Variants in MALRD1 observed in about 807,000 individuals in gnomAD.
MALRD1 encodes MAM and LDL receptor class A domain containing 1.
In MALRD1, 247 loss-of-function variants were observed where a neutral mutation model predicts 242.1. The ratio of observed to expected loss-of-function variants is 1.02; its 90% CI spans 0.92 to 1.13. The LOEUF is 1.13. MALRD1 is among the 50% of genes most tolerant of loss of function. The pLI is 0.00. For missense variants in MALRD1, 2,989 were observed against 2,533.1 expected, an observed-to-expected ratio of 1.18 and a Z score of -3.86; for synonymous variants, 995 against 866.6, an observed-to-expected ratio of 1.15 and a Z score of -2.60.
chr10:19,582,728 A>G (rs1837193237), intron 33 of MALRD1, among the ~76,000 whole-genome samples: 1 of 80,470 alleles, frequency 1.2e-5, no homozygotes, highest in African/African-American at 4.8e-5. Flanking sequence ...TTCCATATGA[A>G]CTTTAAAGTA....
At chr10:19,650,226 A>G (rs892923635) in intron 36 of MALRD1, among the ~76,000 whole-genome samples, 6 of 152,222 alleles carry the variant, frequency 3.9e-5, no homozygotes, top group African/African-American at 9.6e-5. Context: ...CCTATCTGAA[A>G]AAGTCTACAG....
At chr10:19,155,241 C>A in intron 12 of MALRD1, 69 bp downstream of exon 12, 2 of 819,110 alleles carry the variant, frequency 2.4e-6, no homozygotes, top group South Asian at 6.2e-5. Flanking sequence ...GGTTACTCTG[C>A]TAGTAATTGC....
chr10:19,420,926 GT>G (rs1833697657), intron 28 of MALRD1, among the ~76,000 whole-genome samples: 1 of 152,276 alleles, frequency 6.6e-6, no homozygotes, highest in South Asian at 2.1e-4. Context: ...AGGGCTACTT[GT>G]CTCTTTTGAG....
intron 2 of MALRD1, among the ~76,000 whole-genome samples, chr10:19,075,333 G>A (rs1049794470): frequency 7.2e-5 from 11 of 151,998 alleles, no homozygotes; most frequent in African/African-American, 2.7e-4. Flanking sequence ...CTAATCAACT[G>A]ACTTCAAAAT....
intron 29 of MALRD1, among the ~76,000 whole-genome samples, chr10:19,481,519 C>A (rs1231685434): frequency 6.6e-6 from 1 of 152,118 alleles, no homozygotes; most frequent in African/African-American, 2.4e-5. Context: ...AGAGAGCAAC[C>A]AAGTGAAATA....
chr10:19,695,927 C>T (rs1429170635), intron 38 of MALRD1, among the ~76,000 whole-genome samples: 2 of 152,116 alleles, frequency 1.3e-5, no homozygotes, highest in Admixed American at 6.6e-5. Flanking sequence ...ATCATAAGAA[C>T]AGCATGGGAA....
intron 26 of MALRD1, among the ~76,000 whole-genome samples, chr10:19,362,995 G>T (rs995303573): frequency 6.6e-5 from 10 of 150,876 alleles, no homozygotes; most frequent in African/African-American, 2.5e-4. Flanking sequence ...GAGGAAGTGA[G>T]GGAGACTGTG....
intron 17 of MALRD1, among the ~76,000 whole-genome samples, chr10:19,206,070 A>G (rs898226801): frequency 4.0e-5 from 6 of 150,016 alleles, no homozygotes; most frequent in Admixed American, 4.0e-4. Flanking sequence ...TTATATATGA[A>G]AATTATTTTA....
chr10:19,068,636 A>C (rs568235674), intron 2 of MALRD1, among the ~76,000 whole-genome samples: 1 of 152,278 alleles, frequency 6.6e-6, no homozygotes, highest in South Asian at 2.1e-4. Flanking sequence ...TTGAATGTTA[A>C]CATGTAAGTA....
rs1299031984 is a variant in MALRD1, at chr10:19,607,864, A to G, written c.6032A>G (p.Asp2011Gly). 1.3e-6 allele frequency: 2 copies of G among 1,549,630 alleles called. No individual in the cohort carries two copies. The highest frequency in any genetic ancestry group is 2.4e-5 in the East Asian group (1 of 40,872). ...CACCAGCGCTGTGATGGTTTTGCCG[A>G]CTGCATGGATTTCCAGCTTGATGAG... ...PAHQRCDGFA[D>G]CMDFQLDESS... The change falls in exon 35 of 40, where the codon GAC becomes GGC. Residue 2011 changes from aspartate (D) to glycine (G), a missense_variant. Coordinates refer to ENST00000454679, the MANE Select transcript of MALRD1 (RefSeq NM_001142308.3).
intron 36 of MALRD1, among the ~76,000 whole-genome samples, chr10:19,691,157 CA>C (rs1842802889): frequency 1.3e-5 from 2 of 152,036 alleles, no homozygotes; most frequent in African/African-American, 4.8e-5. Flanking sequence ...GGGAAAAAAA[CA>C]AATACCCCAA....
At chr10:19,627,676 A>C (rs1207498238) in intron 36 of MALRD1, among the ~76,000 whole-genome samples, 1 of 150,958 alleles carries the variant, frequency 6.6e-6, no homozygotes, top group African/African-American at 2.4e-5. Context: ...TAGGAGAATC[A>C]CTTGAACACG....
chr10:19,123,988 T>A (rs547647154), intron 6 of MALRD1, among the ~76,000 whole-genome samples: 1 of 150,986 alleles, frequency 6.6e-6, no homozygotes, highest in African/African-American at 2.4e-5. Flanking sequence ...AGAGGATTGC[T>A]TGAGGCCAAG....
chr10:19,113,023 T>C (rs1836735010), intron 5 of MALRD1, among the ~76,000 whole-genome samples: 1 of 152,170 alleles, frequency 6.6e-6, no homozygotes, highest in Admixed American at 6.5e-5. Flanking sequence ...TTCTTAAATT[T>C]TCTCCTCTTA....
chr10:19,315,009 ATTT>A (rs1236273837), intron 21 of MALRD1, among the ~76,000 whole-genome samples: 55 of 145,200 alleles, frequency 3.8e-4, no homozygotes, highest in South Asian at 2.3e-3. Flanking sequence ...AATTTATATA[ATTT>A]ATATAAATAT....
chr10:19,584,649 G>T (rs1837298549), intron 33 of MALRD1, among the ~76,000 whole-genome samples: 1 of 151,794 alleles, frequency 6.6e-6, no homozygotes, highest in Non-Finnish European at 1.5e-5. Context: ...TTCCAATTAT[G>T]TGGTCAATTT....
chr10:19,354,924 AAAGT>A (rs1265996243), intron 26 of MALRD1, among the ~76,000 whole-genome samples: 2 of 152,196 alleles, frequency 1.3e-5, no homozygotes, highest in Non-Finnish European at 2.9e-5. Flanking sequence ...AATTTGGAGA[AAAGT>A]AAGCAGAAAA....
chr10:19,320,687 T>C (rs1010728322), intron 21 of MALRD1, among the ~76,000 whole-genome samples: 3 of 152,000 alleles, frequency 2.0e-5, no homozygotes, highest in Admixed American at 1.3e-4. Flanking sequence ...TTTACACTCC[T>C]ACCAACAATG....
intron 1 of MALRD1, among the ~76,000 whole-genome samples, chr10:19,055,821 G>A (rs1834646906): frequency 1.3e-5 from 2 of 152,148 alleles, no homozygotes; most frequent in South Asian, 4.1e-4. Context: ...CACAAAGAGA[G>A]GAACAACAGA....
Sources: gnomAD v4.1 joint callset for allele counts (sites outside exome capture counted in the v4.1 genomes callset) on GRCh38, gnomAD v4.1.1 for gene constraint, MANE v1.5 for transcripts, NCBI Gene and HGNC (gene_info 2026-07-23, HGNC 2026-07-21) for gene names.